Variants in FAM13A observed in about 807,000 individuals in gnomAD.
FAM13A encodes the protein protein FAM13A.
Under a neutral mutation model 129.6 loss-of-function variants are expected in FAM13A, and 76 were observed. The ratio of observed to expected loss-of-function variants is 0.59; its 90% confidence interval spans 0.49 to 0.71. The LOEUF is 0.71. FAM13A is among the 30% of genes least tolerant of loss of function. FAM13A has a pLI of 0.00. For missense variants in FAM13A, 1,108 were observed against 1,249.3 expected (o/e 0.89, Z 1.70); for synonymous variants, 443 against 449.9 (o/e 0.98, Z 0.20).
At chr4:88,904,265 G>C (rs746211797) in intron 6 of FAM13A, among the ~76,000 whole-genome samples, 1 of 152,070 alleles carries the variant, frequency 6.6e-6, no homozygotes, top group Non-Finnish European at 1.5e-5. Flanking sequence ...TCCCATTACT[G>C]GGTATATGTC....
chr4:88,909,527 G>GCCC (rs1561308418), intron 5 of FAM13A, among the ~76,000 whole-genome samples: 2 of 151,070 alleles, frequency 1.3e-5, no homozygotes, highest in Admixed American at 6.6e-5. Context: ...TCGCTCTGTT[G>GCCC]CCAGGCTGGA....
intron 3 of FAM13A, among the ~76,000 whole-genome samples, chr4:89,002,176 CA>C (rs11370599): frequency 0.014 from 1,633 of 115,570 alleles, 17 homozygotes; most frequent in African/African-American, 0.03. Flanking sequence ...CACCCAACGG[CA>C]AAAAAAAAAA....
chr4:88,815,889 A>G (rs906008757), intron 7 of FAM13A, among the ~76,000 whole-genome samples: 2 of 152,018 alleles, frequency 1.3e-5, no homozygotes, highest in Non-Finnish European at 2.9e-5. Context: ...TCCCTAGTGT[A>G]TAAACTACTC....
At chr4:88,793,936 A>G (rs2149688500) in intron 8 of FAM13A, among the ~76,000 whole-genome samples, 1 of 152,164 alleles carries the variant, frequency 6.6e-6, no homozygotes, top group South Asian at 2.1e-4. Context: ...ATATTTAACA[A>G]AAGCAATAGA....
intron 14 of FAM13A, among the ~76,000 whole-genome samples, chr4:88,753,850 T>A (rs956529992): frequency 5.3e-5 from 8 of 152,200 alleles, no homozygotes; most frequent in Non-Finnish European, 5.9e-5. Flanking sequence ...GTGTGGTAGA[T>A]AACAGGTACA....
At chr4:88,739,701 C>T (rs866366645) in intron 19 of FAM13A, among the ~76,000 whole-genome samples, 3 of 144,100 alleles carry the variant, frequency 2.1e-5, no homozygotes, top group Middle Eastern at 3.5e-3. Flanking sequence ...GGTGGAGAAT[C>T]GCTTGAACAC....
At chr4:88,775,439 G>A (rs188474752) in intron 11 of FAM13A, among the ~76,000 whole-genome samples, 24 of 152,178 alleles carry the variant, frequency 1.6e-4, no homozygotes, top group South Asian at 4.2e-4. Flanking sequence ...GGCATGGCAC[G>A]TCACTCCTGT....
At chr4:88,980,648 T>C (rs1038774078) in intron 4 of FAM13A, among the ~76,000 whole-genome samples, 1 of 152,178 alleles carries the variant, frequency 6.6e-6, no homozygotes, top group Non-Finnish European at 1.5e-5. Flanking sequence ...CAACAGGTTA[T>C]AAATATATAA....
At position 88,781,201 on chromosome 4, in the gene FAM13A, T is replaced by A. The variant is rs1722782137; in HGVS notation, c.1422A>T (p.Lys474Asn). Reference sequence around the variant, plus strand: ...CCTGATTGTCATGAAGCTCAGAAAGTTTAGTACTGGATTTCTGACGTTTAG... The same window carrying A: ...CCTGATTGTCATGAAGCTCAGAAAGATTAGTACTGGATTTCTGACGTTTAG... ...SKPKRQKSST[K>N]LSELHDNQDG... is the part of the protein sequence containing the mutation. Residue 474 changes from lysine (K) to asparagine (N), a missense_variant, in exon 11 of 24, where the codon AAA becomes AAT. By Grantham distance (94) the Lys-to-Asn change is moderately conservative. Coordinates refer to ENST00000264344, the MANE Select transcript of FAM13A (RefSeq NM_014883.4). 2.5e-6 allele frequency: 4 copies of A among 1,610,534 alleles called. No individual in the cohort carries two copies. The Admixed American group carries it at 5.0e-5, about 20-fold the overall frequency.
chr4:88,787,607 C>T (rs933052108), intron 10 of FAM13A, 146 bp downstream of exon 10: 2 of 676,774 alleles, frequency 3.0e-6, no homozygotes, highest in African/African-American at 3.7e-5. Flanking sequence ...TTAGAATGGA[C>T]AAACTGATAA....
intron 7 of FAM13A, among the ~76,000 whole-genome samples, chr4:88,837,833 A>G (rs2149915860): frequency 6.6e-6 from 1 of 152,234 alleles, no homozygotes; most frequent in Non-Finnish European, 1.5e-5. Flanking sequence ...TTTATATGTC[A>G]ATAGATATAG....
At chr4:88,981,389 A>G (rs1761650649) in intron 4 of FAM13A, among the ~76,000 whole-genome samples, 1 of 152,232 alleles carries the variant, frequency 6.6e-6, no homozygotes, top group Non-Finnish European at 1.5e-5. Context: ...CAGATTTTTA[A>G]ATACACTCTA....
intron 14 of FAM13A, among the ~76,000 whole-genome samples, chr4:88,758,456 A>G (rs889380368): frequency 6.6e-6 from 1 of 151,906 alleles, no homozygotes; most frequent in Non-Finnish European, 1.5e-5. Flanking sequence ...TATGAGGGGG[A>G]AAAGACATAC....
In FAM13A at chr4:89,024,162, T is replaced by C. The variant is rs115596382; in HGVS notation, c.218-3493A>G. ...TAGTATGAATATTAAAAACAGAATATGCCATTAGAAACAGAATATGCCAGA... is the reference window on the plus strand; with the variant it reads ...TAGTATGAATATTAAAAACAGAATACGCCATTAGAAACAGAATATGCCAGA... On this transcript the variant is annotated intron_variant, in intron 2 of 23. Transcript: ENST00000264344. Among the ~76,000 whole-genome samples, 281 of 152,276 alleles carry C rather than the reference T, an allele frequency of 1.8e-3. 2 individuals are homozygous for C. Among genetic ancestry groups the C allele is most frequent in the African/African-American group, 6.2e-3 (256 of 41,552 alleles).
At chr4:89,014,568 A>T (rs1049609023) in intron 3 of FAM13A, among the ~76,000 whole-genome samples, 1 of 152,158 alleles carries the variant, frequency 6.6e-6, no homozygotes, top group African/African-American at 2.4e-5. Context: ...AAGAATATAA[A>T]TTGTGAAGAT....
chr4:88,842,724 T>C (rs1195582878), intron 7 of FAM13A, among the ~76,000 whole-genome samples: 1 of 152,268 alleles, frequency 6.6e-6, no homozygotes, highest in African/African-American at 2.4e-5. Context: ...TAAATGCCAC[T>C]AGAAATTATC....
At chr4:88,776,683 T>C (rs1721782608) in intron 11 of FAM13A, among the ~76,000 whole-genome samples, 1 of 152,148 alleles carries the variant, frequency 6.6e-6, no homozygotes, top group Non-Finnish European at 1.5e-5. Flanking sequence ...TTTAAGATTA[T>C]GCACCTAGTG....
At chr4:89,001,489 T>C (rs1211982182) in intron 3 of FAM13A, among the ~76,000 whole-genome samples, 2 of 152,236 alleles carry the variant, frequency 1.3e-5, no homozygotes, top group East Asian at 1.9e-4. Flanking sequence ...TAGTTTAATA[T>C]AATGATTCTG....
At chr4:88,769,835 A>T (rs1443101583) in intron 11 of FAM13A, among the ~76,000 whole-genome samples, 1 of 152,024 alleles carries the variant, frequency 6.6e-6, no homozygotes, top group African/African-American at 2.4e-5. Context: ...GTCTCAAAAA[A>T]AAAACCAAAA....
Sources: allele counts gnomAD v4.1 joint callset (sites outside exome capture counted in the v4.1 genomes callset), GRCh38; gene constraint gnomAD v4.1.1; transcripts MANE v1.5; gene names NCBI Gene and HGNC (gene_info 2026-07-23, HGNC 2026-07-21).